The following PRKCB variants were observed in gnomAD, a reference collection of about 807,000 sequenced individuals.
PRKCB encodes the protein protein kinase C beta.
PRKCB carries 13 observed loss-of-function variants against 81.5 expected under a neutral mutation model. The ratio of observed to expected loss-of-function variants is 0.16; its 90% CI spans 0.10 to 0.25. The LOEUF (loss-of-function observed/expected upper bound fraction) is 0.25, where lower values mean the gene tolerates loss of function less well. Among genes scored for constraint, PRKCB ranks in the 10% least tolerant of loss-of-function variants. PRKCB has a pLI of 1.00. For missense variants in PRKCB, 509 were observed against 875.7 expected (o/e 0.58, Z 5.29); for synonymous variants, 335 against 321.4 (o/e 1.04, Z -0.45).
intron 3 of PRKCB, among the ~76,000 whole-genome samples, chr16:24,023,559 G>A (rs901352727): frequency 1.3e-5 from 2 of 151,846 alleles, no homozygotes; most frequent in Non-Finnish European, 2.9e-5. Context: ...TAGTAGAGAC[G>A]GGGTTTCACC....
Position 23,988,571 on chromosome 16 carries a change from A to T in PRKCB, c.269A>T (p.Asp90Val), listed in dbSNP as rs750901145. Residue 90 changes from aspartate (D) to valine (V), a missense_variant, in exon 3 of 17, where the codon GAC becomes GTC. Coordinates refer to ENST00000643927, the MANE Select transcript of PRKCB (RefSeq NM_002738.7). ...GTCACATTCTCCTGCCCTGGCGCTG[A>T]CAAGGGTCCAGCCTCCGATGTAAGT... The part of the protein sequence containing the change: ...EFVTFSCPGA[D>V]KGPASDDPRS... The T allele has an allele frequency of 6.2e-7, 1 of 1,614,072 alleles. No individual in the cohort carries two copies. The highest frequency in any genetic ancestry group is 1.1e-5 in the South Asian group (1 of 91,082).
rs17847878 is a variant in PRKCB, at chr16:24,185,448, C to G, written c.1615-12C>G. On this transcript the variant is annotated splice_polypyrimidine_tract_variant and intron_variant, in intron 14 of 16. Transcript: ENST00000643927. ...AGGGATTCTTCTCCTCCCACCCTCC[C>G]CTGTCATACAGGCACCCTTTGAAGG... The G allele has an allele frequency of 1.1e-5, 17 of 1,610,988 alleles. No individual in the cohort carries two copies. The highest frequency in any genetic ancestry group is 1.4e-5 in the Non-Finnish European group (17 of 1,177,324).
chr16:24,205,045 G>A (rs1461760075), intron 16 of PRKCB, among the ~76,000 whole-genome samples: 1 of 151,820 alleles, frequency 6.6e-6, no homozygotes, highest in Non-Finnish European at 1.5e-5. Context: ...GCTTGAACCC[G>A]GGAGGTGGAG....
chr16:24,128,415 G>A (rs991801080), intron 9 of PRKCB, among the ~76,000 whole-genome samples: 3 of 152,174 alleles, frequency 2.0e-5, no homozygotes, highest in Admixed American at 6.5e-5. Flanking sequence ...TAATTTGTGG[G>A]GCAACTAGGG....
intron 9 of PRKCB, among the ~76,000 whole-genome samples, chr16:24,127,280 A>G (rs547560799): frequency 6.6e-6 from 1 of 152,252 alleles, no homozygotes; most frequent in Admixed American, 6.5e-5. Context: ...TGCTGGGATT[A>G]CAGGTGTGAG....
At chr16:23,860,990 T>C (rs544561458) in intron 2 of PRKCB, among the ~76,000 whole-genome samples, 15 of 152,262 alleles carry the variant, frequency 9.9e-5, no homozygotes, top group African/African-American at 3.4e-4. Context: ...TAAACATCTT[T>C]CTAATGCATG....
chr16:24,030,023 C>G (rs749159073), intron 3 of PRKCB, among the ~76,000 whole-genome samples: 14 of 152,150 alleles, frequency 9.2e-5, no homozygotes, highest in Non-Finnish European at 2.9e-5. Context: ...CTTCAACTTC[C>G]CAAGTAGCTG....
chr16:24,067,938 TC>T (rs1351532921), intron 5 of PRKCB, among the ~76,000 whole-genome samples: 41 of 132,088 alleles, frequency 3.1e-4, no homozygotes, highest in South Asian at 2.3e-4. Flanking sequence ...CGAGACTCCG[TC>T]TCAAAAAAAA....
intron 16 of PRKCB, among the ~76,000 whole-genome samples, chr16:24,210,948 C>A (rs1968130036): frequency 6.6e-6 from 1 of 152,190 alleles, no homozygotes; most frequent in Non-Finnish European, 1.5e-5. Context: ...TCTACTAGCA[C>A]AGAGCCTGGC....
intron 8 of PRKCB, among the ~76,000 whole-genome samples, chr16:24,118,870 TCAAAGGA>T (rs1596556269): frequency 6.6e-6 from 1 of 152,104 alleles, no homozygotes; most frequent in East Asian, 1.9e-4. Flanking sequence ...ATGGGATATT[TCAAAGGA>T]CAAAGGACAG....
At chr16:23,852,355 C>T (rs557705011) in intron 2 of PRKCB, among the ~76,000 whole-genome samples, 2 of 151,678 alleles carry the variant, frequency 1.3e-5, no homozygotes, top group African/African-American at 4.8e-5. Flanking sequence ...CTTTTTTTTC[C>T]TGCATCTATT....
intron 2 of PRKCB, among the ~76,000 whole-genome samples, chr16:23,915,037 C>G (rs578110939): frequency 1.2e-4 from 19 of 152,274 alleles, no homozygotes; most frequent in African/African-American, 4.3e-4. Context: ...GTGACATGCA[C>G]CAGAAACCCA....
chr16:24,108,315 CTTT>C (rs1966605597), intron 7 of PRKCB, among the ~76,000 whole-genome samples: 1 of 145,010 alleles, frequency 6.9e-6, no homozygotes, highest in Admixed American at 6.8e-5. Flanking sequence ...AATTGATTGA[CTTT>C]TTATTTTTTA....
chr16:23,858,963 T>C (rs1288385328), intron 2 of PRKCB, among the ~76,000 whole-genome samples: 1 of 152,034 alleles, frequency 6.6e-6, no homozygotes, highest in Non-Finnish European at 1.5e-5. Flanking sequence ...ACCCCATCTC[T>C]GCAAAGAATA....
chr16:24,035,633 T>C, intron 5 of PRKCB, 86 bp downstream of exon 5: 7 of 176,686 alleles, frequency 4.0e-5, no homozygotes, highest in South Asian at 1.4e-4. Flanking sequence ...GGTGGGGCAG[T>C]CCAGTGGAGG....
At chr16:24,182,823 C>T (rs1967645778) in intron 13 of PRKCB, among the ~76,000 whole-genome samples, 2 of 149,862 alleles carry the variant, frequency 1.3e-5, no homozygotes, top group African/African-American at 5.0e-5. Context: ...CCTGGGCCTC[C>T]ACCTGCAGAG....
At chr16:23,923,000 A>T (rs1259417213) in intron 2 of PRKCB, among the ~76,000 whole-genome samples, 2 of 152,072 alleles carry the variant, frequency 1.3e-5, no homozygotes, top group Non-Finnish European at 2.9e-5. Flanking sequence ...CCTCCTAGCT[A>T]CCTACACCTT....
At chr16:23,887,999 T>G (rs543754395) in intron 2 of PRKCB, among the ~76,000 whole-genome samples, 1 of 152,250 alleles carries the variant, frequency 6.6e-6, no homozygotes, top group South Asian at 2.1e-4. Flanking sequence ...CAGGTCTAGT[T>G]TTTTCTTGAG....
intron 5 of PRKCB, among the ~76,000 whole-genome samples, chr16:24,065,281 T>C (rs1392295762): frequency 2.0e-5 from 3 of 151,826 alleles, no homozygotes; most frequent in African/African-American, 7.2e-5. Context: ...CATTCCTTTT[T>C]CTCTTTATTA....
Sources: gnomAD v4.1 joint callset for allele counts (sites outside exome capture counted in the v4.1 genomes callset) on GRCh38, gnomAD v4.1.1 for gene constraint, MANE v1.5 for transcripts, NCBI Gene and HGNC (gene_info 2026-07-23, HGNC 2026-07-21) for gene names.